The following TAMM41 variants were observed in gnomAD, a reference collection of about 807,000 sequenced individuals.
TAMM41 encodes the protein TAM41 mitochondrial translocator assembly and maintenance homolog.
In TAMM41, 36 loss-of-function variants were observed where a neutral mutation model predicts 44.1. The observed-to-expected ratio is 0.82, with a 90% CI of 0.63 to 1.08. The LOEUF is 1.08. Among genes scored for constraint, TAMM41 ranks in the 50% least tolerant of loss-of-function variants. The pLI is 0.00. For synonymous variants in TAMM41, 164 were observed against 153.1 expected (o/e 1.07, Z -0.53); for missense variants, 417 against 404.3 (o/e 1.03, Z -0.27).
At chr3:11,784,439 GA>G in the TAMM41 span, among the ~76,000 whole-genome samples, 1 of 152,178 alleles carries the variant, frequency 6.6e-6, no homozygotes, top group Non-Finnish European at 1.5e-5. Context: ...AGGTTGCAGT[GA>G]GCCAAGATCG....
intron 5 of TAMM41, among the ~76,000 whole-genome samples, chr3:11,816,347 A>G (rs1460007089): frequency 7.7e-6 from 1 of 129,182 alleles, no homozygotes; most frequent in Non-Finnish European, 1.5e-5. Flanking sequence ...GACATAATAA[A>G]CAAAACAAGT....
At chr3:11,778,734 T>C in the TAMM41 span, among the ~76,000 whole-genome samples, 2 of 152,194 alleles carry the variant, frequency 1.3e-5, no homozygotes, top group African/African-American at 4.8e-5. Flanking sequence ...GATTTGCATT[T>C]CCCTGATGAT....
At chr3:11,845,084 C>A in intron 1 of TAMM41, 5 of 437,604 alleles carry the variant, frequency 1.1e-5, no homozygotes, top group Non-Finnish European at 2.3e-5. Context: ...CTGGAAGCTG[C>A]CGTCAGATAT....
At chr3:11,791,106 T>C (rs542651950) in intron 7 of TAMM41, among the ~76,000 whole-genome samples, 2 of 152,316 alleles carry the variant, frequency 1.3e-5, no homozygotes, top group South Asian at 4.1e-4. Flanking sequence ...CCACAGCATC[T>C]GTGCTCACTC....
chr3:11,771,005 G>A, the TAMM41 span, among the ~76,000 whole-genome samples: 64 of 151,978 alleles, frequency 4.2e-4, no homozygotes, highest in African/African-American at 1.5e-3. Context: ...CCCTGAGGCG[G>A]GCAGCTGGTC....
the TAMM41 span, among the ~76,000 whole-genome samples, chr3:11,755,194 A>G: frequency 1.3e-5 from 2 of 152,142 alleles, no homozygotes; most frequent in African/African-American, 4.8e-5. Flanking sequence ...GACTCAGGGT[A>G]GAAGCAGAGA....
the TAMM41 span, among the ~76,000 whole-genome samples, chr3:11,738,712 G>A: frequency 6.6e-6 from 1 of 152,124 alleles, no homozygotes; most frequent in Non-Finnish European, 1.5e-5. Context: ...GACAACTTCT[G>A]TCCATCCCCT....
At chr3:11,725,232 TCTC>T in the TAMM41 span, among the ~76,000 whole-genome samples, 3 of 124,480 alleles carry the variant, frequency 2.4e-5, no homozygotes, top group African/African-American at 9.0e-5. Flanking sequence ...CTCTCCTCCT[TCTC>T]CTTCTCCTCC....
At chr3:11,741,510 T>C in the TAMM41 span, among the ~76,000 whole-genome samples, 58,944 of 149,358 alleles carry the variant, frequency 0.39, 13,176 homozygotes, top group Middle Eastern at 0.59. Flanking sequence ...AGAGGATGCC[T>C]GAAACCATGG....
the TAMM41 span, among the ~76,000 whole-genome samples, chr3:11,773,050 G>C: frequency 6.6e-6 from 1 of 152,052 alleles, no homozygotes; most frequent in African/African-American, 2.4e-5. Flanking sequence ...TTCGCCTCCC[G>C]GGTTCAAGCA....
intron 4 of TAMM41, among the ~76,000 whole-genome samples, chr3:11,822,906 C>T (rs2078581713): frequency 2.6e-5 from 4 of 152,196 alleles, no homozygotes; most frequent in African/African-American, 4.8e-5. Flanking sequence ...AGGAGTAGAA[C>T]TGCTGGGTCA....
At chr3:11,820,615 G>T (rs1006045396) in intron 4 of TAMM41, among the ~76,000 whole-genome samples, 35 of 152,168 alleles carry the variant, frequency 2.3e-4, no homozygotes, top group African/African-American at 8.4e-4. Context: ...TAGCTCAACC[G>T]CAGGGGATAG....
At position 11,829,844 on chromosome 3, in the gene TAMM41, G is replaced by A. The variant is rs144979072; in HGVS notation, c.432C>T (p.Asn144=). ...LQKPVKIISV[N]EDVTLRSALD... is the part of the protein sequence containing the mutation. ...GGGCTGATCTAAGAGTGACATCCTC[G>A]TTCACTGAGATAATTTTCACCTGAA... Residue 144 remains asparagine, a synonymous_variant, in exon 4 of 8, where the codon AAC becomes AAT. Coordinates refer to ENST00000455809, the MANE Select transcript of TAMM41 (RefSeq NM_001284401.2). 62 of 1,614,070 alleles carry A rather than the reference G, an allele frequency of 3.8e-5. No individual in the cohort carries two copies. Among genetic ancestry groups the A allele is most frequent in the South Asian group, 2.4e-4 (22 of 91,076 alleles).
chr3:11,822,294 CTG>C (rs1038026171), intron 4 of TAMM41, among the ~76,000 whole-genome samples: 3 of 152,156 alleles, frequency 2.0e-5, no homozygotes, highest in African/African-American at 7.2e-5. Context: ...ATTTTCATGA[CTG>C]TTTTTCAGAT....
At chr3:11,782,026 C>CA in the TAMM41 span, among the ~76,000 whole-genome samples, 1 of 151,266 alleles carries the variant, frequency 6.6e-6, no homozygotes, top group Middle Eastern at 3.4e-3. Context: ...AAAGCAATGA[C>CA]ACCAGGTGTC....
At chr3:11,757,435 G>A in the TAMM41 span, among the ~76,000 whole-genome samples, 9 of 152,028 alleles carry the variant, frequency 5.9e-5, no homozygotes, top group Non-Finnish European at 1.2e-4. Context: ...ATCATGCAGC[G>A]GTCAGAGGAA....
intron 7 of TAMM41, among the ~76,000 whole-genome samples, chr3:11,793,870 G>A (rs1231708868): frequency 6.6e-6 from 1 of 152,118 alleles, no homozygotes; most frequent in African/African-American, 2.4e-5. Flanking sequence ...TCTTTACCTG[G>A]GCACTAGGTC....
At chr3:11,743,148 G>A in the TAMM41 span, among the ~76,000 whole-genome samples, 6 of 152,064 alleles carry the variant, frequency 3.9e-5, no homozygotes, top group South Asian at 1.2e-3. Context: ...TTGGGGATCA[G>A]CAATAATGGA....
At chr3:11,734,212 C>T in the TAMM41 span, among the ~76,000 whole-genome samples, 3 of 152,186 alleles carry the variant, frequency 2.0e-5, no homozygotes, top group Admixed American at 6.5e-5. Context: ...GCGAGGCACC[C>T]GGGATGACAA....
Sources: allele counts gnomAD v4.1 joint callset (sites outside exome capture counted in the v4.1 genomes callset), GRCh38; gene constraint gnomAD v4.1.1; transcripts MANE v1.5; gene names NCBI Gene and HGNC (gene_info 2026-07-23, HGNC 2026-07-21).